CD200R1: variants seen among roughly 807,000 people sequenced by gnomAD.
CD200R1 encodes CD200 receptor 1, also known as cell surface glycoprotein CD200 receptor 1.
A neutral mutation model predicts 38.1 loss-of-function variants in CD200R1; 30 were observed. That is an observed-to-expected ratio of 0.79 (90% CI 0.59 to 1.07). The LOEUF (loss-of-function observed/expected upper bound fraction) is 1.07. Ranked by LOEUF, CD200R1 falls within the 50% of genes least tolerant of loss-of-function variation. The pLI is 0.00. For missense variants in CD200R1, 372 were observed against 415.4 expected (o/e 0.90, Z 0.91); for synonymous variants, 128 against 152.1 (o/e 0.84, Z 1.16).
chr3:112,955,337 G>A (rs1051769070), intron 1 of CD200R1, among the ~76,000 whole-genome samples: 6 of 152,096 alleles, frequency 3.9e-5, no homozygotes, highest in South Asian at 4.1e-4. Context: ...GGGTACTAAA[G>A]TCCCCTAATG....
intron 2 of CD200R1, among the ~76,000 whole-genome samples, chr3:112,938,000 T>C (rs1337689943): frequency 1.3e-5 from 2 of 152,204 alleles, no homozygotes; most frequent in East Asian, 3.8e-4. Flanking sequence ...TTGTCTGTTG[T>C]TGGTGTATAG....
intron 2 of CD200R1, among the ~76,000 whole-genome samples, chr3:112,944,640 T>C (rs1363054462): frequency 3.3e-5 from 5 of 151,866 alleles, no homozygotes; most frequent in Admixed American, 1.3e-4. Context: ...TTCTAACTAA[T>C]GCAATAAGAC....
At chr3:112,940,711 C>G (rs757567206) in intron 2 of CD200R1, among the ~76,000 whole-genome samples, 13 of 151,546 alleles carry the variant, frequency 8.6e-5, no homozygotes, top group Non-Finnish European at 1.2e-4. Flanking sequence ...GGAATGTAAA[C>G]TAATACAGTC....
At chr3:112,928,225 G>A (rs1940325933) in intron 5 of CD200R1, among the ~76,000 whole-genome samples, 1 of 152,206 alleles carries the variant, frequency 6.6e-6, no homozygotes, top group Non-Finnish European at 1.5e-5. Context: ...GGGTTGGAAA[G>A]ACAGGGGTAG....
chr3:112,951,932 C>T (rs994815956), intron 1 of CD200R1, among the ~76,000 whole-genome samples: 1 of 151,158 alleles, frequency 6.6e-6, no homozygotes, highest in African/African-American at 2.4e-5. Flanking sequence ...TCCTCAAGAA[C>T]AGTCTCAATC....
Position 112,954,635 on chromosome 3 carries a change from TC to T in CD200R1, c.68-6712del, listed in dbSNP as rs1313098552. ...TAAATAATGCTTATCTAATGAAGCC[TC>T]CATAAAAACCCAAAGGACTGCATTC... On this transcript the variant is annotated intron_variant, in intron 1 of 7. Transcript: ENST00000308611. Among the ~76,000 whole-genome samples the T allele has an allele frequency of 2.0e-5, 3 of 152,208 alleles. No individual in the cohort carries two copies. The South Asian group carries it at 6.2e-4, about 32-fold the overall frequency.
At chr3:112,936,268 G>A (rs1445332538) in intron 2 of CD200R1, among the ~76,000 whole-genome samples, 19 of 152,140 alleles carry the variant, frequency 1.2e-4, no homozygotes, top group Admixed American at 9.2e-4. Flanking sequence ...GAACATACAC[G>A]TGCATGTATC....
At chr3:112,944,284 T>C (rs1317071352) in intron 2 of CD200R1, among the ~76,000 whole-genome samples, 1 of 151,972 alleles carries the variant, frequency 6.6e-6, no homozygotes, top group Non-Finnish European at 1.5e-5. Flanking sequence ...AGTAAAAGAA[T>C]TATATTCCAT....
chr3:112,923,527 G>A lies in CD200R1; in HGVS notation c.*150C>T. ...GAATCAAAAATTCCAATTATACAAG[G>A]GTATGAATGAGAATCCATTAAAATG... On this transcript the variant is annotated 3_prime_UTR_variant, in exon 8 of 8. Coordinates refer to ENST00000308611, the MANE Select transcript of CD200R1 (RefSeq NM_138806.4). 1 of 479,464 alleles carries A rather than the reference G, an allele frequency of 2.1e-6. No individual in the cohort carries two copies. The allele number at this position is 479,464 out of a possible 1,614,324, so 29.7% of individuals were successfully genotyped here. A position where few individuals can be genotyped will look rare whatever the true frequency, so the allele number is the denominator to read the frequency against.
intron 1 of CD200R1, among the ~76,000 whole-genome samples, chr3:112,974,321 T>C (rs1933386883): frequency 6.6e-6 from 1 of 152,032 alleles, no homozygotes; most frequent in South Asian, 2.1e-4. Flanking sequence ...TCTGTAGTCC[T>C]AGACACTCAG....
intron 2 of CD200R1, among the ~76,000 whole-genome samples, chr3:112,940,695 C>T (rs1940706300): frequency 6.6e-6 from 1 of 151,514 alleles, no homozygotes; most frequent in African/African-American, 2.4e-5. Context: ...TTATAAATCA[C>T]TGATAGGAAT....
At chr3:112,964,597 T>C (rs1933110235) in intron 1 of CD200R1, among the ~76,000 whole-genome samples, 1 of 152,262 alleles carries the variant, frequency 6.6e-6, no homozygotes, top group African/African-American at 2.4e-5. Flanking sequence ...ACAATGCCTG[T>C]ACCCCCATTG....
intron 2 of CD200R1, among the ~76,000 whole-genome samples, chr3:112,935,206 C>T (rs1940547126): frequency 6.6e-6 from 1 of 152,142 alleles, no homozygotes; most frequent in African/African-American, 2.4e-5. Context: ...AATCAAGAAA[C>T]ATTGGATCTA....
At chr3:112,974,570 T>C (rs1559705315) in intron 1 of CD200R1, among the ~76,000 whole-genome samples, 2 of 152,240 alleles carry the variant, frequency 1.3e-5, no homozygotes, top group African/African-American at 4.8e-5. Context: ...AGACAAATTA[T>C]AGAGATCTGT....
chr3:112,966,323 A>G (rs1490997143), intron 1 of CD200R1, among the ~76,000 whole-genome samples: 4 of 152,246 alleles, frequency 2.6e-5, no homozygotes, highest in Non-Finnish European at 5.9e-5. Context: ...TAAGCTCTAT[A>G]GGCAATTTTA....
Position 112,950,131 on chromosome 3 carries a change from C to A in CD200R1, c.68-2207G>T, listed in dbSNP as rs187075190. Among the ~76,000 whole-genome samples, 79 of 152,258 alleles carry A rather than the reference C, an allele frequency of 5.2e-4. No individual in the cohort carries two copies. The South Asian group carries it at 0.014, about 27-fold the overall frequency. The stretch of plus-strand genomic sequence containing the variant: ...TAACTGGCAAAATCCAAAAGTTTGA[C>A]AACATACACTGTTGGGTGAGGTTGT... On this transcript the variant is annotated intron_variant, in intron 1 of 7. Transcript: ENST00000308611.
At chr3:112,969,868 T>C (rs1037587319) in intron 1 of CD200R1, among the ~76,000 whole-genome samples, 1 of 152,126 alleles carries the variant, frequency 6.6e-6, no homozygotes, top group Non-Finnish European at 1.5e-5. Context: ...AAGAAAATTA[T>C]TTCTTCAAAA....
At chr3:112,941,628 T>C (rs973712263) in intron 2 of CD200R1, among the ~76,000 whole-genome samples, 1 of 151,466 alleles carries the variant, frequency 6.6e-6, no homozygotes, top group Non-Finnish European at 1.5e-5. Context: ...AGTTGCTATA[T>C]TGTAGTTAAA....
intron 1 of CD200R1, among the ~76,000 whole-genome samples, chr3:112,961,668 T>G (rs1040984124): frequency 1.3e-5 from 2 of 152,030 alleles, no homozygotes; most frequent in African/African-American, 4.8e-5. Context: ...CTAGAGAGAA[T>G]TTGAAACTTC....
Sources: allele counts gnomAD v4.1 joint callset (sites outside exome capture counted in the v4.1 genomes callset), GRCh38; gene constraint gnomAD v4.1.1; transcripts MANE v1.5; gene names NCBI Gene and HGNC (gene_info 2026-07-23, HGNC 2026-07-21).